The following LRRK2 variants were observed in gnomAD, a reference collection of about 807,000 sequenced individuals.
LRRK2 encodes the protein leucine rich repeat kinase 2.
Under a neutral mutation model 302.6 loss-of-function variants are expected in LRRK2, and 203 were observed. That is an observed-to-expected ratio of 0.67 (90% CI 0.60 to 0.75). The LOEUF is 0.75. Among genes scored for constraint, LRRK2 ranks in the 30% least tolerant of loss-of-function variants. The pLI is 0.00. For synonymous variants in LRRK2, 1,066 were observed against 1,031.9 expected (o/e 1.03, Z -0.63); for missense variants, 2,830 against 2,951.0 (o/e 0.96, Z 0.95).
intron 45 of LRRK2, among the ~76,000 whole-genome samples, chr12:40,354,841 A>ATAT (rs1555195283): frequency 7.1e-4 from 4 of 5,622 alleles, no homozygotes; most frequent in Admixed American, 5.9e-3. Flanking sequence ...TGAAAAAAAA[A>ATAT]AAATATATAT....
chr12:40,360,723 G>T (rs930652253), intron 47 of LRRK2, among the ~76,000 whole-genome samples: 13 of 152,048 alleles, frequency 8.5e-5, no homozygotes, highest in African/African-American at 3.1e-4. Flanking sequence ...TTCAGTGCTT[G>T]CTTACCTGTC....
chr12:40,300,052 T>A lies in LRRK2; in HGVS notation c.3496+795T>A, dbSNP rs544914354. On this transcript the variant is annotated intron_variant, in intron 25 of 50. Coordinates refer to ENST00000298910, the MANE Select transcript of LRRK2 (RefSeq NM_198578.4). ...CATGCACATGGCTGCCTGAGCTGGG[T>A]AAGGCATCCTGATACTGAGATATTG... Among the ~76,000 whole-genome samples the A allele has an allele frequency of 7.9e-5, 12 of 152,350 alleles. 2 individuals are homozygous for A. The highest frequency in any genetic ancestry group is 2.9e-4 in the African/African-American group (12 of 41,580).
At chr12:40,307,781 C>CTTTTTTTTTT (rs201473630) in intron 28 of LRRK2, among the ~76,000 whole-genome samples, 13 of 119,408 alleles carry the variant, frequency 1.1e-4, no homozygotes, top group East Asian at 2.4e-4. Context: ...CTTTTCTTTT[C>CTTTTTTTTTT]TTTTTTTTTT....
chr12:40,308,717 T>C (rs1189450762), intron 29 of LRRK2, 21 bp downstream of exon 29: 3 of 1,606,018 alleles, frequency 1.9e-6, no homozygotes, highest in Non-Finnish European at 2.6e-6. Flanking sequence ...CTATAGAATT[T>C]TAAAATTCAC....
chr12:40,304,445 C>T (rs943725065), intron 27 of LRRK2: 15 of 339,580 alleles, frequency 4.4e-5, no homozygotes, highest in South Asian at 2.3e-4. Context: ...CTTATCAGAA[C>T]CTTTTAATCT....
At position 40,240,517 on chromosome 12, in the gene LRRK2, C is replaced by T. The variant is rs199854074; in HGVS notation, c.606C>T (p.Asn202=). Residue 202 remains asparagine, a synonymous_variant, in exon 6 of 51, where the codon AAC becomes AAT. Coordinates refer to ENST00000298910, the MANE Select transcript of LRRK2 (RefSeq NM_198578.4). ...AGCAACTGACTGAATTTGTTGAGAACAAAGATTATATGATATTGTTAAGTG... is the reference window on the plus strand; with the variant it reads ...AGCAACTGACTGAATTTGTTGAGAATAAAGATTATATGATATTGTTAAGTG... ...SEEQLTEFVE[N]KDYMILLSAL... is the part of the protein sequence containing the mutation. The T allele has an allele frequency of 1.2e-5, 20 of 1,613,034 alleles. No individual in the cohort carries two copies. Among genetic ancestry groups the T allele is most frequent in the Non-Finnish European group, 1.6e-5 (19 of 1,179,420 alleles).
intron 24 of LRRK2, 46 bp from the exon 25 acceptor site, chr12:40,299,063 A>G: frequency 6.3e-7 from 1 of 1,593,750 alleles, no homozygotes; most frequent in Non-Finnish European, 8.6e-7. Context: ...TCTTTAAAGC[A>G]TATGAATTTA....
intron 41 of LRRK2, among the ~76,000 whole-genome samples, chr12:40,343,572 T>C (rs1946111872): frequency 1.3e-5 from 2 of 152,352 alleles, no homozygotes; most frequent in East Asian, 3.9e-4. Flanking sequence ...AAATTTCTCT[T>C]ATCCTTCATC....
At chr12:40,242,445 C>G (rs1235999742) in intron 6 of LRRK2, among the ~76,000 whole-genome samples, 1 of 151,860 alleles carries the variant, frequency 6.6e-6, no homozygotes, top group African/African-American at 2.4e-5. Flanking sequence ...CTGGTAGAGT[C>G]TTTCTTTCCT....
At chr12:40,361,335 CTTTTA>C (rs1264351088) in intron 47 of LRRK2, among the ~76,000 whole-genome samples, 1 of 151,948 alleles carries the variant, frequency 6.6e-6, no homozygotes, top group Non-Finnish European at 1.5e-5. Context: ...GTAAAAATGT[CTTTTA>C]TTATTTTTAT....
chr12:40,323,427 T>A, intron 38 of LRRK2, 121 bp downstream of exon 38: 1 of 892,788 alleles, frequency 1.1e-6, no homozygotes, highest in Non-Finnish European at 1.7e-6. Context: ...TTTGTTATAA[T>A]TTTTGTATTT....
In LRRK2 at chr12:40,298,374, A is replaced by G. The variant is rs1449085172; in HGVS notation, c.3228A>G (p.Leu1076=). 1 of 1,614,000 alleles carries G rather than the reference A, an allele frequency of 6.2e-7. No homozygotes were observed. The highest frequency in any genetic ancestry group is 1.7e-5 in the Admixed American group (1 of 59,998). The change falls in exon 24 of 51, where the codon TTA becomes TTG. Residue 1076 remains leucine, a synonymous_variant. Transcript: ENST00000298910. ...ATGACATTGGACCCTCAGTGGTTTTAGATCCTACAGTGAAATGTCCAACTC... is the reference window on the plus strand; with the variant it reads ...ATGACATTGGACCCTCAGTGGTTTTGGATCCTACAGTGAAATGTCCAACTC... ...SRNDIGPSVV[L]DPTVKCPTLK... is the part of the protein sequence containing the mutation.
chr12:40,298,779 A>ATATATATATATATATG (rs1944482037), intron 24 of LRRK2, among the ~76,000 whole-genome samples: 1 of 53,612 alleles, frequency 1.9e-5, no homozygotes, highest in South Asian at 6.7e-4. Context: ...TCTCAAAGAA[A>ATATATATATATATATG]TATATATATA....
intron 46 of LRRK2, among the ~76,000 whole-genome samples, chr12:40,356,678 C>T (rs1247624259): frequency 6.6e-6 from 1 of 152,124 alleles, no homozygotes; most frequent in Non-Finnish European, 1.5e-5. Flanking sequence ...CGTTCATTCT[C>T]CTATTGCCAA....
At chr12:40,308,390 C>A in intron 28 of LRRK2, 77 bp from the exon 29 acceptor site, 1 of 1,061,762 alleles carries the variant, frequency 9.4e-7, no homozygotes, top group East Asian at 2.6e-5. Flanking sequence ...AATAGTGTGA[C>A]ATGTAAAAGA....
intron 49 of LRRK2, chr12:40,366,791 T>A: frequency 2.1e-6 from 1 of 475,530 alleles, no homozygotes; most frequent in Non-Finnish European, 3.8e-6. Flanking sequence ...ACTCACATAA[T>A]TAAGAATTGC....
At chr12:40,251,196 T>G in intron 8 of LRRK2, 36 bp from the exon 9 acceptor site, 1 of 1,335,092 alleles carries the variant, frequency 7.5e-7, no homozygotes. Flanking sequence ...AGATAATATA[T>G]ATAATGTTTT....
rs944269579 is a variant in LRRK2, at chr12:40,359,542, T to C, written c.7028+98T>C. 7 of 978,216 alleles carry C rather than the reference T, an allele frequency of 7.2e-6. No individual in the cohort carries two copies. In the African/African-American group the frequency reaches 1.2e-4, roughly 16 times the overall value. The allele number at this position is 978,216 out of a possible 1,614,324, so 60.6% of individuals were successfully genotyped here. The stretch of plus-strand genomic sequence containing the variant: ...CTGTTGATAATTCATAAGGAAGATC[T>C]TTTAAAATGCATAATTTATTTTCTA... On this transcript the variant is annotated intron_variant, in intron 47 of 50. Transcript: ENST00000298910.
At chr12:40,272,433 C>T (rs774526428) in intron 14 of LRRK2, among the ~76,000 whole-genome samples, 4 of 152,064 alleles carry the variant, frequency 2.6e-5, no homozygotes, top group East Asian at 1.9e-4. Context: ...ATCTGTACTT[C>T]GGGACAACAA....
Sources: gnomAD v4.1 joint callset for allele counts (sites outside exome capture counted in the v4.1 genomes callset) on GRCh38, gnomAD v4.1.1 for gene constraint, MANE v1.5 for transcripts, NCBI Gene and HGNC (gene_info 2026-07-23, HGNC 2026-07-21) for gene names.